EPHA4: variants seen among roughly 807,000 people sequenced by gnomAD.
EPHA4 encodes the protein EPH receptor A4, also known as ephrin type-A receptor 4.
Under a neutral mutation model 108.3 loss-of-function variants are expected in EPHA4, and 19 were observed. The observed-to-expected ratio is 0.18, with a 90% CI of 0.12 to 0.26. EPHA4 has a LOEUF of 0.26. Ranked by LOEUF, EPHA4 falls within the 10% of genes least tolerant of loss-of-function variation. EPHA4 has a pLI of 1.00. For synonymous variants in EPHA4, 449 were observed against 455.5 expected (o/e 0.99, Z 0.18); for missense variants, 917 against 1,254.0 (o/e 0.73, Z 4.06).
chr2:221,571,175 T>C lies in EPHA4; in HGVS notation c.91+983A>G, dbSNP rs1574670606. ...ACACACAGGCACACACACGCAGACA[T>C]GCACACACACGCAGACATGCACACA... On this transcript the variant is annotated intron_variant, in intron 1 of 17. Coordinates refer to ENST00000281821, the MANE Select transcript of EPHA4 (RefSeq NM_004438.5). The surrounding 1 kb of genome is among the most constrained non-coding windows in gnomAD (Gnocchi z 6.3). 6.7e-6 allele frequency among the ~76,000 whole-genome samples: 1 copy of C among 150,288 alleles called. No homozygotes were observed. Among genetic ancestry groups the C allele is most frequent in the South Asian group, 2.1e-4 (1 of 4,656 alleles).
intron 4 of EPHA4, among the ~76,000 whole-genome samples, chr2:221,489,881 G>A (rs1692088313): frequency 6.6e-6 from 1 of 152,136 alleles, no homozygotes; most frequent in Non-Finnish European, 1.5e-5. Flanking sequence ...AGTGGCTCAT[G>A]ACTGTAATCC....
chr2:221,482,860 T>C (rs1003394495), intron 4 of EPHA4, among the ~76,000 whole-genome samples, 170 bp from the exon 5 acceptor site: 1 of 152,150 alleles, frequency 6.6e-6, no homozygotes, highest in Non-Finnish European at 1.5e-5. Context: ...AACAATATAA[T>C]AGAAGGCTGT....
Position 221,562,510 on chromosome 2 carries a change from T to C in EPHA4, c.823+1221A>G, listed in dbSNP as rs570129245. On this transcript the variant is annotated intron_variant, in intron 3 of 17. Coordinates refer to ENST00000281821, the MANE Select transcript of EPHA4 (RefSeq NM_004438.5). ...ATGGTTGAAATGCCAGACAAATTGT[T>C]TGGCAGTCAGTTAATTCAGGCCCTT... Among the ~76,000 whole-genome samples the C allele has an allele frequency of 2.6e-5, 4 of 152,302 alleles. No individual in the cohort carries two copies. In the South Asian group the frequency reaches 8.3e-4, roughly 32 times the overall value.
At chr2:221,520,506 CCACACACACACACACA>C (rs61047207) in intron 3 of EPHA4, among the ~76,000 whole-genome samples, 2 of 142,044 alleles carry the variant, frequency 1.4e-5, no homozygotes, top group Non-Finnish European at 3.1e-5. Flanking sequence ...TTTCCTCTAA[CCACACACACACACACA>C]CACACACACA....
At chr2:221,460,446 A>G (rs1477948937) in intron 5 of EPHA4, among the ~76,000 whole-genome samples, 4 of 152,178 alleles carry the variant, frequency 2.6e-5, no homozygotes, top group African/African-American at 9.7e-5. Context: ...GCAAAGTCTA[A>G]ATTCTTTATT....
At chr2:221,491,148 G>T (rs1306204615) in intron 4 of EPHA4, among the ~76,000 whole-genome samples, 1 of 151,842 alleles carries the variant, frequency 6.6e-6, no homozygotes, top group Admixed American at 6.6e-5. Flanking sequence ...TTTTTTACTG[G>T]GTTAATTAGG....
intron 3 of EPHA4, among the ~76,000 whole-genome samples, chr2:221,505,121 A>T (rs1372603212): frequency 6.6e-6 from 1 of 151,956 alleles, no homozygotes; most frequent in African/African-American, 2.4e-5. Context: ...ATAACTGCTC[A>T]CCCCATGTGG....
At chr2:221,449,135 A>C (rs916099755) in intron 8 of EPHA4, among the ~76,000 whole-genome samples, 5 of 152,126 alleles carry the variant, frequency 3.3e-5, no homozygotes, top group African/African-American at 1.2e-4. Context: ...CTGAAAAAAA[A>C]CCACAAGGAT....
At chr2:221,542,631 C>G (rs954902425) in intron 3 of EPHA4, among the ~76,000 whole-genome samples, 1 of 152,174 alleles carries the variant, frequency 6.6e-6, no homozygotes, top group East Asian at 1.9e-4. Flanking sequence ...CCTCATCAAG[C>G]TCACTTTAAC....
intron 14 of EPHA4, among the ~76,000 whole-genome samples, chr2:221,432,226 T>G (rs1305752349): frequency 6.6e-6 from 1 of 151,908 alleles, no homozygotes; most frequent in Non-Finnish European, 1.5e-5. Context: ...AACTGACATC[T>G]TTAGATACTC....
intron 9 of EPHA4, among the ~76,000 whole-genome samples, chr2:221,444,381 C>T (rs1341152047): frequency 6.6e-6 from 1 of 152,138 alleles, no homozygotes; most frequent in Non-Finnish European, 1.5e-5. Context: ...AAGCTTTGTC[C>T]TGGCACTTGC....
Position 221,482,381 on chromosome 2 carries a change from A to G in EPHA4, c.1289T>C (p.Val430Ala), listed in dbSNP as rs915257202. ...SKYNPNPDQSVSVTVTTNQAA... is the reference protein window; with the variant it reads ...SKYNPNPDQSASVTVTTNQAA... ...TTGGTTGGTGGTCACAGTGACAGAA[A>G]CTGATTGGTCTGGGTTAGGGTTATA... is the stretch of plus-strand genomic sequence containing the variant. Residue 430 changes from valine to alanine, a missense_variant, in exon 5 of 18, where the codon GTT becomes GCT. This residue lies in a region of EPHA4 where 758 missense variants were observed against 1,076.7 expected (regional missense o/e 0.70). Transcript: ENST00000281821. 4 of 1,609,896 alleles carry G rather than the reference A, an allele frequency of 2.5e-6. No homozygotes were observed. Among genetic ancestry groups the G allele is most frequent in the Admixed American group, 3.3e-5 (2 of 59,902 alleles).
intron 3 of EPHA4, among the ~76,000 whole-genome samples, chr2:221,527,061 T>G: frequency 6.6e-6 from 1 of 151,832 alleles, no homozygotes; most frequent in Non-Finnish European, 1.5e-5. Context: ...CGGGCGGAGC[T>G]TGCAGTGAGC....
chr2:221,424,804 C>A (rs1316540907), intron 17 of EPHA4, among the ~76,000 whole-genome samples: 1 of 152,160 alleles, frequency 6.6e-6, no homozygotes, highest in South Asian at 2.1e-4. Context: ...AAGGACGGGA[C>A]CCATGACCTA....
At chr2:221,479,811 G>A (rs1691764771) in intron 5 of EPHA4, among the ~76,000 whole-genome samples, 1 of 152,214 alleles carries the variant, frequency 6.6e-6, no homozygotes, top group South Asian at 2.1e-4. Flanking sequence ...CTTTCTGGCT[G>A]GCCACATAGG....
chr2:221,444,315 G>C (rs1265865205), intron 9 of EPHA4, among the ~76,000 whole-genome samples: 1 of 152,176 alleles, frequency 6.6e-6, no homozygotes, highest in African/African-American at 2.4e-5. Context: ...ATTTAGATGT[G>C]TTTGCCGGCA....
intron 11 of EPHA4, 148 bp from the exon 12 acceptor site, chr2:221,437,270 G>A (rs1690269214): frequency 1.8e-6 from 1 of 565,490 alleles, no homozygotes; most frequent in South Asian, 2.5e-5. Flanking sequence ...CCTCAGCTGT[G>A]GGGAGCTAGG....
chr2:221,498,779 A>ATT (rs796093987), intron 4 of EPHA4, among the ~76,000 whole-genome samples: 1 of 120,434 alleles, frequency 8.3e-6, no homozygotes, highest in African/African-American at 3.0e-5. Flanking sequence ...AGTCCTGGCT[A>ATT]TTTTTTTTTT....
intron 3 of EPHA4, among the ~76,000 whole-genome samples, chr2:221,559,994 A>G (rs1694412870): frequency 1.3e-5 from 2 of 152,180 alleles, no homozygotes; most frequent in Admixed American, 6.5e-5. Context: ...CTCCATTAGC[A>G]TGTACTGCTG....
Sources: allele counts gnomAD v4.1 joint callset (sites outside exome capture counted in the v4.1 genomes callset), GRCh38; gene constraint gnomAD v4.1.1; regional missense constraint gnomAD v4.1.1; non-coding constraint Gnocchi (gnomAD v3.1); transcripts MANE v1.5; gene names NCBI Gene and HGNC (gene_info 2026-07-23, HGNC 2026-07-21).